The following PPM1B variants were observed in gnomAD, a reference collection of about 807,000 sequenced individuals.
PPM1B encodes protein phosphatase, Mg2+/Mn2+ dependent 1B.
In PPM1B, 22 loss-of-function variants were observed where a neutral mutation model predicts 43.0. The observed-to-expected ratio is 0.51, with a 90% CI of 0.37 to 0.73. The LOEUF is 0.73. Among genes scored for constraint, PPM1B ranks in the 30% least tolerant of loss-of-function variants. The pLI is 0.00. For synonymous variants in PPM1B, 217 were observed against 197.9 expected (o/e 1.10, Z -0.81); for missense variants, 632 against 584.2 (o/e 1.08, Z -0.84).
intron 5 of PPM1B, chr2:44,244,215 T>C: frequency 1.6e-6 from 2 of 1,243,064 alleles, no homozygotes; most frequent in East Asian, 5.2e-5. Context: ...TCAATTTCTA[T>C]CATATCCACC....
At chr2:44,227,110 A>G (rs1205326758) in intron 5 of PPM1B, among the ~76,000 whole-genome samples, 1 of 151,918 alleles carries the variant, frequency 6.6e-6, no homozygotes, top group Non-Finnish European at 1.5e-5. Flanking sequence ...AGTAGCTGGG[A>G]CCAGAGGTGT....
In PPM1B at chr2:44,202,094, T is replaced by TAC. The variant is rs759451938; in HGVS notation, c.846+50_846+51dup. 5 of 1,454,080 alleles carry TAC rather than the reference T, an allele frequency of 3.4e-6. No individual in the cohort carries two copies. The African/African-American group carries it at 5.7e-5, about 16-fold the overall frequency. The allele number at this position is 1,454,080 out of a possible 1,614,324, so 90.1% of individuals were successfully genotyped here. ...AAATAACATGTTAATTTTGAAAAGT[T>TAC]ACGGTAGGTAAAGTTAAGCTAACTT... On this transcript the variant is annotated intron_variant, in intron 2 of 5. Coordinates refer to ENST00000282412, the MANE Select transcript of PPM1B (RefSeq NM_002706.6).
intron 3 of PPM1B, 53 bp downstream of exon 3, chr2:44,209,380 C>CCTGT (rs944375762): frequency 1.9e-6 from 3 of 1,577,900 alleles, no homozygotes. Flanking sequence ...GTAGCTCATG[C>CCTGT]CTGTAATCCT....
At chr2:44,232,360 T>G (rs756816914), downstream of PPM1B, 1 of 1,604,892 alleles carries the variant, frequency 6.2e-7, no homozygotes, top group Non-Finnish European at 8.5e-7. Flanking sequence ...AAAAACCTTC[T>G]AAAATGCTTT....
downstream of PPM1B, among the ~76,000 whole-genome samples, chr2:44,238,757 TAAGTC>T (rs1451926394): frequency 1.3e-5 from 2 of 152,084 alleles, no homozygotes; most frequent in Non-Finnish European, 2.9e-5. Context: ...TAAACATTCT[TAAGTC>T]TAGTTTACTT....
chr2:44,233,674 G>C, downstream of PPM1B: 5 of 985,732 alleles, frequency 5.1e-6, no homozygotes, highest in Non-Finnish European at 6.0e-6. Context: ...TGGAATTCAT[G>C]GTATTTTCTG....
intron 1 of PPM1B, among the ~76,000 whole-genome samples, chr2:44,176,692 G>T (rs1233896972): frequency 6.6e-6 from 1 of 152,156 alleles, no homozygotes; most frequent in Non-Finnish European, 1.5e-5. Context: ...AAGCATAAAA[G>T]ATCTTTCATC....
At chr2:44,175,247 G>A (rs1030606675) in intron 1 of PPM1B, among the ~76,000 whole-genome samples, 11 of 151,632 alleles carry the variant, frequency 7.3e-5, no homozygotes, top group Middle Eastern at 3.2e-3. Context: ...GTGAGACTCC[G>A]TCTCAAAAAA....
At chr2:44,186,317 C>T (rs541178858) in intron 1 of PPM1B, among the ~76,000 whole-genome samples, 6 of 152,256 alleles carry the variant, frequency 3.9e-5, no homozygotes, top group Non-Finnish European at 7.4e-5. Context: ...GTATATGTGG[C>T]ATCAGTTAAA....
chr2:44,230,115 G>T, intron 5 of PPM1B: 1 of 1,474,976 alleles, frequency 6.8e-7, no homozygotes, highest in African/African-American at 1.4e-5. Context: ...GTCAGTTTTA[G>T]GAAATGCTTG....
intron 1 of PPM1B, among the ~76,000 whole-genome samples, chr2:44,176,942 A>C (rs1240365226): frequency 6.6e-6 from 1 of 152,016 alleles, no homozygotes; most frequent in Non-Finnish European, 1.5e-5. Context: ...CACCACGCCC[A>C]GCTAATTTTG....
rs1420836508 is a variant in PPM1B at position 44,181,267 on chromosome 2, A to G, written c.-15+11993A>G. Among the ~76,000 whole-genome samples, 7 of 152,302 alleles carry G rather than the reference A, an allele frequency of 4.6e-5. No individual in the cohort carries two copies. In the East Asian group the frequency reaches 5.8e-4, roughly 13 times the overall value. ...CCCAGCCTAGGAAATATTATTTCAC[A>G]GGCACCTTGAAGGATTTGGCTAGCT... On this transcript the variant is annotated intron_variant, in intron 1 of 5. Transcript: ENST00000282412.
chr2:44,187,693 A>T (rs894579998), intron 1 of PPM1B, among the ~76,000 whole-genome samples: 1 of 151,952 alleles, frequency 6.6e-6, no homozygotes, highest in Non-Finnish European at 1.5e-5. Flanking sequence ...ATTTCTTCTC[A>T]ATTTCTGGAA....
chr2:44,236,295 C>G (rs896058295), downstream of PPM1B, among the ~76,000 whole-genome samples: 3 of 148,104 alleles, frequency 2.0e-5, no homozygotes, highest in East Asian at 2.0e-4. Context: ...CCTAGCTACT[C>G]GGGAGTTTGA....
At chr2:44,236,452 A>G (rs950266019), downstream of PPM1B, among the ~76,000 whole-genome samples, 1 of 148,406 alleles carries the variant, frequency 6.7e-6, no homozygotes, top group Non-Finnish European at 1.5e-5. Context: ...GTCTTCCTAT[A>G]TGAAAATAAT....
At chr2:44,241,064 C>T (rs1670734540) in intron 5 of PPM1B, among the ~76,000 whole-genome samples, 1 of 141,828 alleles carries the variant, frequency 7.1e-6, no homozygotes, top group African/African-American at 2.5e-5. Context: ...AGTGCAATGG[C>T]GCGATCTTGG....
chr2:44,236,096 AAAAAAAATTATAATG>A (rs1274295410), downstream of PPM1B, among the ~76,000 whole-genome samples: 1 of 151,542 alleles, frequency 6.6e-6, no homozygotes, highest in African/African-American at 2.4e-5. Context: ...ATTGTCATTG[AAAAAAAATTATAATG>A]AAGGCCAGGC....
At chr2:44,171,281 C>G (rs926080529) in intron 1 of PPM1B, among the ~76,000 whole-genome samples, 1 of 152,100 alleles carries the variant, frequency 6.6e-6, no homozygotes, top group Non-Finnish European at 1.5e-5. Context: ...AGTAATTCAC[C>G]TAATTACTAA....
intron 5 of PPM1B, among the ~76,000 whole-genome samples, chr2:44,241,157 C>T (rs1449358443): frequency 2.1e-5 from 3 of 143,798 alleles, no homozygotes; most frequent in Non-Finnish European, 4.6e-5. Context: ...GAATGCGTCA[C>T]CACGCCCGGC....
Sources: allele counts gnomAD v4.1 joint callset (sites outside exome capture counted in the v4.1 genomes callset), GRCh38; gene constraint gnomAD v4.1.1; transcripts MANE v1.5; gene names NCBI Gene and HGNC (gene_info 2026-07-23, HGNC 2026-07-21).